The following FBXL14 variants were observed in gnomAD, a reference collection of about 807,000 sequenced individuals.
FBXL14 encodes the protein F-box/LRR-repeat protein 14.
In FBXL14, 11 loss-of-function variants were observed where a neutral mutation model predicts 24.5. That is an observed-to-expected ratio of 0.45 (90% CI 0.28 to 0.74). The LOEUF (loss-of-function observed/expected upper bound fraction) is 0.74. FBXL14 is among the 30% of genes least tolerant of loss of function. The pLI, the probability that FBXL14 is intolerant of heterozygous loss-of-function variation, is 0.12. For missense variants in FBXL14, 384 were observed against 545.6 expected, an observed-to-expected ratio of 0.70 and a Z score of 2.95; for synonymous variants, 294 against 240.4, an observed-to-expected ratio of 1.22 and a Z score of -2.06.
chr12:1,588,021 G>T (rs2094480486), intron 1 of FBXL14, among the ~76,000 whole-genome samples: 1 of 152,212 alleles, frequency 6.6e-6, no homozygotes, highest in Non-Finnish European at 1.5e-5. Flanking sequence ...GGGACCACTA[G>T]ATGACTTACT....
intron 1 of FBXL14, among the ~76,000 whole-genome samples, chr12:1,577,429 A>T (rs879323714): frequency 0.22 from 2,452 of 11,252 alleles, 32 homozygotes; most frequent in Non-Finnish European, 0.45. Flanking sequence ...TAAGGATTTA[A>T]AAAAAAAAAA....
At chr12:1,568,184 T>C (rs2154437634) in intron 1 of FBXL14, among the ~76,000 whole-genome samples, 1 of 152,120 alleles carries the variant, frequency 6.6e-6, no homozygotes, top group African/African-American at 2.4e-5. Context: ...ACACATTACC[T>C]GTAGAGGAGC....
At position 1,569,746 on chromosome 12, in the gene FBXL14, T is replaced by C. The variant is rs1200761325; in HGVS notation, c.1195-2936A>G. Among the ~76,000 whole-genome samples, 2 of 152,230 alleles carry C rather than the reference T, an allele frequency of 1.3e-5. No individual in the cohort carries two copies. The highest frequency in any genetic ancestry group is 2.9e-5 in the Non-Finnish European group (2 of 68,038). On this transcript the variant is annotated intron_variant, in intron 1 of 1. Coordinates refer to ENST00000339235, the MANE Select transcript of FBXL14 (RefSeq NM_152441.3). The surrounding 1 kb of genome is among the most constrained non-coding windows in gnomAD (Gnocchi z 4.2). ...TTGAGCATAGCTCATCCTCGAAGTTTGTTTAATGCTCATTTTATGCTGTCC... is the reference window on the plus strand; with the variant it reads ...TTGAGCATAGCTCATCCTCGAAGTTCGTTTAATGCTCATTTTATGCTGTCC...
At chr12:1,588,657 G>A (rs1189943465) in intron 1 of FBXL14, among the ~76,000 whole-genome samples, 1 of 152,110 alleles carries the variant, frequency 6.6e-6, no homozygotes, top group Non-Finnish European at 1.5e-5. Context: ...AAATGAAGCT[G>A]TTCCTTGACT....
At chr12:1,571,720 C>T (rs2094445825) in intron 1 of FBXL14, among the ~76,000 whole-genome samples, 1 of 152,188 alleles carries the variant, frequency 6.6e-6, no homozygotes, top group East Asian at 1.9e-4. Context: ...AGATTTCTCA[C>T]CAGCAAGGTT....
chr12:1,594,095 G>T lies in FBXL14; in HGVS notation c.-29C>A, dbSNP rs767361885. 1.1e-5 allele frequency: 15 copies of T among 1,371,752 alleles called. 1 individual carries two copies. Among genetic ancestry groups the T allele is most frequent in the African/African-American group, 3.0e-5 (2 of 66,044 alleles). 85.0% of individuals were successfully genotyped at this position (1,371,752 alleles called of 1,614,324 possible). A position where few individuals can be genotyped will look rare whatever the true frequency, so the allele number is the denominator to read the frequency against. On this transcript the variant is annotated 5_prime_UTR_variant, in exon 1 of 2. Transcript: ENST00000339235. ...CCTCCTCCCCCCTCCGCGGCGCTGGGGGGAGGAGGCGCGGGCCCCGCCGCT... is the reference window on the plus strand; with the variant it reads ...CCTCCTCCCCCCTCCGCGGCGCTGGTGGGAGGAGGCGCGGGCCCCGCCGCT...
intron 1 of FBXL14, among the ~76,000 whole-genome samples, chr12:1,580,516 C>G (rs2094464127): frequency 1.3e-5 from 2 of 152,148 alleles, no homozygotes; most frequent in South Asian, 4.1e-4. Context: ...AAAACAGGAC[C>G]AAATGGAAAA....
At chr12:1,590,634 C>T (rs900326163) in intron 1 of FBXL14, among the ~76,000 whole-genome samples, 1 of 152,130 alleles carries the variant, frequency 6.6e-6, no homozygotes, top group Non-Finnish European at 1.5e-5. Context: ...GTCTAAAAAC[C>T]CTTGACAGAG....
chr12:1,576,619 G>A (rs184951778), intron 1 of FBXL14, among the ~76,000 whole-genome samples: 15 of 152,186 alleles, frequency 9.9e-5, no homozygotes, highest in Admixed American at 3.9e-4. Context: ...TACACGAGAC[G>A]CACTCCCATG....
rs2094497227 is a variant in FBXL14 at position 1,594,341 on chromosome 12, G to C, written c.-275C>G. ...CGGCGCTCACATCCCGGGCGGGGAA[G>C]GCGCCTCGCTCTCGCTCCCGGAGGC... On this transcript the variant is annotated 5_prime_UTR_variant, in exon 1 of 2. Transcript: ENST00000339235. Among the ~76,000 whole-genome samples the C allele has an allele frequency of 1.4e-5, 2 of 145,614 alleles. No individual in the cohort carries two copies. Among genetic ancestry groups the C allele is most frequent in the Admixed American group, 6.8e-5 (1 of 14,732 alleles).
chr12:1,571,510 T>C (rs946411830), intron 1 of FBXL14, among the ~76,000 whole-genome samples: 3 of 152,154 alleles, frequency 2.0e-5, no homozygotes, highest in Admixed American at 1.3e-4. Context: ...GCCCAGCCAG[T>C]GTAAAACACT....
At position 1,566,036 on chromosome 12, in the gene FBXL14, A is replaced by G. The variant is rs1199911932; in HGVS notation, c.*712T>C. 1 of 152,676 alleles carries G rather than the reference A, an allele frequency of 6.5e-6. No homozygotes were observed. The allele number at this position is 152,676 out of a possible 1,614,324, so 9.5% of individuals were successfully genotyped here. Reference sequence around the variant, plus strand: ...GACAGATATATTCTACATTGTTCCCATTAAAATGGAAACCCCGTGGGGAGA... The same window carrying G: ...GACAGATATATTCTACATTGTTCCCGTTAAAATGGAAACCCCGTGGGGAGA... On this transcript the variant is annotated 3_prime_UTR_variant, in exon 2 of 2. Transcript: ENST00000339235.
intron 1 of FBXL14, among the ~76,000 whole-genome samples, chr12:1,576,660 G>C (rs2094456586): frequency 6.6e-6 from 1 of 152,152 alleles, no homozygotes; most frequent in South Asian, 2.1e-4. Context: ...CTGCGGCACA[G>C]ATAAATCAGG....
chr12:1,580,627 C>T (rs2094464456), intron 1 of FBXL14, among the ~76,000 whole-genome samples: 1 of 152,124 alleles, frequency 6.6e-6, no homozygotes, highest in African/African-American at 2.4e-5. Context: ...ACATTTTCCA[C>T]TTGATTAGAG....
chr12:1,578,989 A>G (rs1469296379), intron 1 of FBXL14, among the ~76,000 whole-genome samples: 1 of 152,018 alleles, frequency 6.6e-6, no homozygotes, highest in Non-Finnish European at 1.5e-5. Flanking sequence ...AAGCTCTTAC[A>G]ACATTTTTGG....
chr12:1,590,495 C>T (rs978159237), intron 1 of FBXL14, among the ~76,000 whole-genome samples: 1 of 152,126 alleles, frequency 6.6e-6, no homozygotes, highest in Non-Finnish European at 1.5e-5. Context: ...ATGAACCACT[C>T]CCCTGTTGGA....
Position 1,593,680 on chromosome 12 carries a change from C to G in FBXL14, c.387G>C (p.Gln129His). Residue 129 changes from glutamine (Q) to histidine (H), a missense_variant, in exon 1 of 2, where the codon CAG becomes CAC. Physicochemically the swap from Gln to His is conservative, Grantham distance 24. Transcript: ENST00000339235. This position sits in a 1 kb window ranked among gnomAD's most constrained non-coding sequence, Gnocchi z 7.4. ...LRALNLSLCK[Q>H]ITDSSLGRIA... ...TGCGGCCCAGGCTGCTGTCAGTGATCTGCTTGCAGAGGCTCAGGTTGAGAG... is the reference window on the plus strand; with the variant it reads ...TGCGGCCCAGGCTGCTGTCAGTGATGTGCTTGCAGAGGCTCAGGTTGAGAG... 1.2e-6 allele frequency: 2 copies of G among 1,614,158 alleles called. No homozygotes were observed. Among genetic ancestry groups the G allele is most frequent in the Non-Finnish European group, 1.7e-6 (2 of 1,180,022 alleles).
rs546251283 is a variant in FBXL14, at chr12:1,593,760, G to A, written c.307C>T (p.Leu103Phe). Residue 103 changes from leucine to phenylalanine, a missense_variant, in exon 1 of 2, where the codon CTC (leucine) becomes TTC (phenylalanine). Coordinates refer to ENST00000339235, the MANE Select transcript of FBXL14 (RefSeq NM_152441.3). The surrounding 1 kb of genome is among the most constrained non-coding windows in gnomAD (Gnocchi z 7.4). ...GCGTGGCCCAGCCCGTTGTCGGTGA[G>A]GTTGTAGCAGCCGCTGAGGTTGAGG... ...ESLNLSGCYN[L>F]TDNGLGHAFV... The A allele has an allele frequency of 1.2e-6, 2 of 1,614,070 alleles. No individual in the cohort carries two copies. The highest frequency in any genetic ancestry group is 2.7e-5 in the African/African-American group (2 of 74,956).
At position 1,569,133 on chromosome 12, in the gene FBXL14, T is replaced by C. The variant is rs1377202993; in HGVS notation, c.1195-2323A>G. ...AAAAGGAAAAGCTGGTGCACCTTTA[T>C]CTCTGTACATGCAAATTTATATAAT... is the stretch of plus-strand genomic sequence containing the variant. On this transcript the variant is annotated intron_variant, in intron 1 of 1. Transcript: ENST00000339235. The surrounding 1 kb of genome is among the most constrained non-coding windows in gnomAD (Gnocchi z 4.2). Among the ~76,000 whole-genome samples, 1 of 152,234 alleles carries C rather than the reference T, an allele frequency of 6.6e-6. No homozygotes were observed. The highest frequency in any genetic ancestry group is 1.9e-4 in the East Asian group (1 of 5,206).
Sources: gnomAD v4.1 joint callset for allele counts (sites outside exome capture counted in the v4.1 genomes callset) on GRCh38, gnomAD v4.1.1 for gene constraint, Gnocchi (gnomAD v3.1) non-coding constraint, MANE v1.5 for transcripts, NCBI Gene and HGNC (gene_info 2026-07-23, HGNC 2026-07-21) for gene names.